The following PSD2 variants were observed in gnomAD, a reference collection of about 807,000 sequenced individuals.
PSD2 encodes the protein PH and SEC7 domain-containing protein 2.
Under a neutral mutation model 69.8 loss-of-function variants are expected in PSD2, and 38 were observed. The observed-to-expected ratio is 0.54, with a 90% CI of 0.42 to 0.71. PSD2 has a LOEUF of 0.71. Ranked by LOEUF, PSD2 falls within the 30% of genes least tolerant of loss-of-function variation. The pLI is 0.00. For synonymous variants in PSD2, 412 were observed against 423.0 expected, an observed-to-expected ratio of 0.97 and a Z score of 0.32; for missense variants, 943 against 1,014.5, an observed-to-expected ratio of 0.93 and a Z score of 0.96.
the PSD2 span, among the ~76,000 whole-genome samples, chr5:139,764,199 G>A: frequency 6.6e-6 from 1 of 152,178 alleles, no homozygotes; most frequent in Non-Finnish European, 1.5e-5. Flanking sequence ...CCTCCCCTGC[G>A]GGCTGCGAGA....
intron 1 of PSD2, among the ~76,000 whole-genome samples, chr5:139,799,220 C>A (rs1213322294): frequency 6.6e-6 from 1 of 152,210 alleles, no homozygotes; most frequent in Non-Finnish European, 1.5e-5. Context: ...GTTCCTCCCC[C>A]TTCCCTACCT....
the PSD2 span, among the ~76,000 whole-genome samples, chr5:139,782,199 G>T: frequency 6.6e-6 from 1 of 152,002 alleles, no homozygotes; most frequent in South Asian, 2.1e-4. Context: ...TTGTTTGTCT[G>T]TGAGACGGAG....
At chr5:139,790,045 G>A in the PSD2 span, among the ~76,000 whole-genome samples, 1 of 152,126 alleles carries the variant, frequency 6.6e-6, no homozygotes, top group Admixed American at 6.6e-5. Context: ...GAACAGGGAG[G>A]GGACCGGTGT....
intron 9 of PSD2, 35 bp downstream of exon 9, chr5:139,835,801 A>T: frequency 6.2e-7 from 1 of 1,606,920 alleles, no homozygotes; most frequent in South Asian, 1.1e-5. Flanking sequence ...TATGGGGAGC[A>T]TACATCCCTG....
In PSD2 at chr5:139,841,946, T is replaced by C. The variant is rs539077073; in HGVS notation, c.2113-325T>C. Among the ~76,000 whole-genome samples, 5 of 152,340 alleles carry C rather than the reference T, an allele frequency of 3.3e-5. No homozygotes were observed. In the South Asian group the frequency reaches 1.0e-3, roughly 32 times the overall value. On this transcript the variant is annotated intron_variant, in intron 14 of 14. Coordinates refer to ENST00000274710, the MANE Select transcript of PSD2 (RefSeq NM_032289.4). Reference sequence around the variant, plus strand: ...AAATATTTTTCTCCCATTCTGTAGGTTGCCTTTTCATTCTGTTGATTGTAT... The same window carrying C: ...AAATATTTTTCTCCCATTCTGTAGGCTGCCTTTTCATTCTGTTGATTGTAT...
the PSD2 span, among the ~76,000 whole-genome samples, chr5:139,771,920 A>G: frequency 6.6e-6 from 1 of 152,230 alleles, no homozygotes; most frequent in East Asian, 1.9e-4. Context: ...CAGGGCCTGC[A>G]GAGGGGCCTC....
At chr5:139,817,423 T>C in intron 4 of PSD2, 58 bp from the exon 5 acceptor site, 1 of 1,497,976 alleles carries the variant, frequency 6.7e-7, no homozygotes, top group Non-Finnish European at 9.3e-7. Flanking sequence ...ATGCCTGTGA[T>C]TCTGTCATCC....
intron 7 of PSD2, among the ~76,000 whole-genome samples, chr5:139,832,984 C>T (rs1420709826): frequency 3.9e-5 from 6 of 152,088 alleles, no homozygotes; most frequent in African/African-American, 1.4e-4. Context: ...TTCTCTTTGT[C>T]CCAGCTCAGC....
the PSD2 span, among the ~76,000 whole-genome samples, chr5:139,752,117 G>A: frequency 5.9e-5 from 9 of 152,014 alleles, no homozygotes; most frequent in Non-Finnish European, 1.0e-4. Context: ...ACTCAGTGGT[G>A]GAGGTGGTTG....
chr5:139,820,098 A>G (rs1760220219), intron 5 of PSD2, among the ~76,000 whole-genome samples: 1 of 152,146 alleles, frequency 6.6e-6, no homozygotes, highest in South Asian at 2.1e-4. Context: ...AGGGAAGAGT[A>G]AAAGGGCTGC....
chr5:139,819,137 G>A (rs970957198), intron 5 of PSD2, among the ~76,000 whole-genome samples: 2 of 152,144 alleles, frequency 1.3e-5, no homozygotes, highest in Non-Finnish European at 2.9e-5. Context: ...GTATAGAATT[G>A]TAGTGGTTCT....
chr5:139,840,193 G>A, intron 14 of PSD2, 23 bp downstream of exon 14: 1 of 1,612,270 alleles, frequency 6.2e-7, no homozygotes, highest in Non-Finnish European at 8.5e-7. Flanking sequence ...GGACTGGATT[G>A]CAAAGCCCAG....
the PSD2 span, among the ~76,000 whole-genome samples, chr5:139,783,935 T>G: frequency 7.0e-6 from 1 of 143,262 alleles, no homozygotes; most frequent in East Asian, 2.1e-4. Context: ...TTTCTCCTTC[T>G]GCTAGCTCTT....
the PSD2 span, among the ~76,000 whole-genome samples, chr5:139,759,115 T>C: frequency 6.6e-6 from 1 of 152,144 alleles, no homozygotes; most frequent in Non-Finnish European, 1.5e-5. Flanking sequence ...GGTCTGGTTC[T>C]ACATTTCCTA....
At chr5:139,834,953 C>A (rs1212013654) in intron 8 of PSD2, among the ~76,000 whole-genome samples, 1 of 150,428 alleles carries the variant, frequency 6.6e-6, no homozygotes, top group Non-Finnish European at 1.5e-5. Context: ...ATATATATAT[C>A]TCCCCAAACC....
the PSD2 span, chr5:139,775,608 G>C: frequency 6.6e-6 from 1 of 152,354 alleles, no homozygotes; most frequent in African/African-American, 2.4e-5. Context: ...GCTACCCAGT[G>C]CCCCACCCTA....
chr5:139,754,778 G>A, the PSD2 span, among the ~76,000 whole-genome samples: 1 of 152,174 alleles, frequency 6.6e-6, no homozygotes, highest in African/African-American at 2.4e-5. Context: ...TTGGGAGGCT[G>A]AGGTGGGAGG....
rs1760811515 is a variant in PSD2 at position 139,839,227 on chromosome 5, G to C, written c.1968+455G>C. 6.6e-6 allele frequency among the ~76,000 whole-genome samples: 1 copy of C among 152,250 alleles called. No homozygotes were observed. Among genetic ancestry groups the C allele is most frequent in the Admixed American group, 6.5e-5 (1 of 15,290 alleles). On this transcript the variant is annotated intron_variant, in intron 13 of 14. Coordinates refer to ENST00000274710, the MANE Select transcript of PSD2 (RefSeq NM_032289.4). This position sits in a 1 kb window ranked among gnomAD's most constrained non-coding sequence, Gnocchi z 5.1. ...TGCAGGTTCTCAGGGCTTCTTTGGA[G>C]AGGACAGGAGAAATGGTGGCCCGGA...
chr5:139,842,921 T>C lies in PSD2; in HGVS notation c.*447T>C. 6.2e-6 allele frequency: 1 copy of C among 161,732 alleles called. No homozygotes were observed. Among genetic ancestry groups the C allele is most frequent in the Non-Finnish European group, 1.4e-5 (1 of 73,342 alleles). The allele number at this position is 161,732 out of a possible 1,614,324, so 10.0% of individuals were successfully genotyped here. On this transcript the variant is annotated 3_prime_UTR_variant, in exon 15 of 15. Transcript: ENST00000274710. ...TTCCTCTGAGTTGACCAGCAGCAGG[T>C]CTGCCGACCACCAGCACCATCCTCT...
Sources: gnomAD v4.1 joint callset for allele counts (sites outside exome capture counted in the v4.1 genomes callset) on GRCh38, gnomAD v4.1.1 for gene constraint, Gnocchi (gnomAD v3.1) non-coding constraint, MANE v1.5 for transcripts, NCBI Gene and HGNC (gene_info 2026-07-23, HGNC 2026-07-21) for gene names.